SPTBN4: variants seen among roughly 807,000 people sequenced by gnomAD.
SPTBN4 encodes the protein spectrin beta, non-erythrocytic 4, also known as spectrin beta chain, non-erythrocytic 4.
A neutral mutation model predicts 277.8 loss-of-function variants in SPTBN4; 96 were observed. That is an observed-to-expected ratio of 0.35 (90% CI 0.29 to 0.41). The LOEUF (loss-of-function observed/expected upper bound fraction) is 0.41. Ranked by LOEUF, SPTBN4 falls within the 10% of genes least tolerant of loss-of-function variation. The probability of loss-of-function intolerance (pLI) is 1.00; values close to 1 mark genes in which losing one functional copy is unlikely to be tolerated. For synonymous variants in SPTBN4, 1,481 were observed against 1,580.3 expected (o/e 0.94, Z 1.49); for missense variants, 3,006 against 3,595.7 (o/e 0.84, Z 4.19).
intron 2 of SPTBN4, among the ~76,000 whole-genome samples, chr19:40,479,952 T>C (rs1423064197): frequency 1.3e-5 from 2 of 150,970 alleles, no homozygotes; most frequent in South Asian, 4.2e-4. Flanking sequence ...AAAAAAAAAT[T>C]AAAAATTAGC....
chr19:40,575,354 T>C (rs1425851481), intron 35 of SPTBN4, 57 bp from the exon 36 acceptor site: 2 of 1,562,302 alleles, frequency 1.3e-6, no homozygotes, highest in Admixed American at 1.8e-5. Context: ...GAAATTCACC[T>C]ATTATTCCAG....
chr19:40,537,712 T>C (rs1236904065), intron 20 of SPTBN4, among the ~76,000 whole-genome samples: 1 of 152,008 alleles, frequency 6.6e-6, no homozygotes, highest in Non-Finnish European at 1.5e-5. Context: ...GGCTATTCAA[T>C]ACCACCTTTA....
At chr19:40,506,138 G>C (rs1195362496) in intron 12 of SPTBN4, 98 bp from the exon 13 acceptor site, 1 of 1,458,426 alleles carries the variant, frequency 6.9e-7, no homozygotes, top group African/African-American at 1.4e-5. Flanking sequence ...AGTCGGGAGT[G>C]ATGGTGCAGA....
chr19:40,506,518 G>T (rs1248134598), intron 13 of SPTBN4, 132 bp downstream of exon 13: 1 of 1,335,720 alleles, frequency 7.5e-7, no homozygotes, highest in Non-Finnish European at 9.9e-7. Context: ...CAGAGCCTAA[G>T]ATTACATTCC....
In SPTBN4 at chr19:40,542,759, G is replaced by C. The variant is rs370079910; in HGVS notation, c.4360-6430G>C. Among the ~76,000 whole-genome samples, 37 of 151,686 alleles carry C rather than the reference G, an allele frequency of 2.4e-4. No individual in the cohort carries two copies. The South Asian group carries it at 7.3e-3, about 30-fold the overall frequency. On this transcript the variant is annotated intron_variant, in intron 20 of 35. Transcript: ENST00000598249. ...ATACAGTCCCAGTCCTTGCCTTATTGGGACTCAAGGCAAGGGACCCCATCC... is the reference window on the plus strand; with the variant it reads ...ATACAGTCCCAGTCCTTGCCTTATTCGGACTCAAGGCAAGGGACCCCATCC...
intron 20 of SPTBN4, among the ~76,000 whole-genome samples, chr19:40,547,803 T>C (rs1388388041): frequency 6.6e-6 from 1 of 152,232 alleles, no homozygotes; most frequent in African/African-American, 2.4e-5. Flanking sequence ...TTTTTTCATA[T>C]GTCTGTTGGC....
At chr19:40,494,851 C>T (rs776290597) in intron 5 of SPTBN4, 46 bp from the exon 6 acceptor site, 2 of 1,577,068 alleles carry the variant, frequency 1.3e-6, no homozygotes, top group Non-Finnish European at 1.7e-6. Context: ...TTCTTCCCTC[C>T]TAACTCTCCC....
At chr19:40,529,264 G>A (rs1266805892) in intron 18 of SPTBN4, 133 bp downstream of exon 18, 22 of 809,718 alleles carry the variant, frequency 2.7e-5, no homozygotes, top group South Asian at 1.8e-4. Flanking sequence ...AGCCGCCAGG[G>A]GGCGCGCGGA....
At chr19:40,571,778 G>C in intron 33 of SPTBN4, 2 of 412,696 alleles carry the variant, frequency 4.8e-6, no homozygotes, top group Non-Finnish European at 4.3e-6. Context: ...ATTCAGTATG[G>C]GAGGGGATAA....
intron 6 of SPTBN4, among the ~76,000 whole-genome samples, chr19:40,495,686 A>AAAAGG (rs2080189167): frequency 6.6e-6 from 1 of 152,014 alleles, no homozygotes; most frequent in African/African-American, 2.4e-5. Flanking sequence ...AAAAGAAAAG[A>AAAAGG]AAACACTTCC....
At chr19:40,526,507 G>A (rs1053299189) in intron 17 of SPTBN4, among the ~76,000 whole-genome samples, 1 of 151,956 alleles carries the variant, frequency 6.6e-6, no homozygotes, top group African/African-American at 2.4e-5. Context: ...TGCATGTGAG[G>A]CTCAGAGGGG....
intron 2 of SPTBN4, among the ~76,000 whole-genome samples, chr19:40,481,333 T>G (rs1416748380): frequency 6.6e-6 from 1 of 151,918 alleles, no homozygotes; most frequent in East Asian, 1.9e-4. Flanking sequence ...TTGGATTACA[T>G]GTGTGAGCCA....
intron 20 of SPTBN4, among the ~76,000 whole-genome samples, chr19:40,535,932 C>T (rs1020960801): frequency 6.6e-6 from 1 of 151,778 alleles, no homozygotes; most frequent in African/African-American, 2.4e-5. Flanking sequence ...TGCACTCCAG[C>T]CTGGGAGACA....
intron 2 of SPTBN4, among the ~76,000 whole-genome samples, chr19:40,480,812 C>T (rs1261189616): frequency 3.3e-5 from 5 of 152,114 alleles, no homozygotes; most frequent in Non-Finnish European, 7.4e-5. Context: ...CCTGTAATCC[C>T]AGCACTTTGG....
At chr19:40,543,341 A>AT (rs1238974485) in intron 20 of SPTBN4, among the ~76,000 whole-genome samples, 2 of 152,112 alleles carry the variant, frequency 1.3e-5, no homozygotes, top group Non-Finnish European at 2.9e-5. Flanking sequence ...TTACGTGCTC[A>AT]TATCTGACCC....
In SPTBN4 at chr19:40,529,106, A is replaced by C. The variant is rs759112736; in HGVS notation, c.3923A>C (p.Gln1308Pro). Residue 1308 changes from glutamine (Q) to proline (P), a missense_variant, in exon 18 of 36, where the codon CAG becomes CCG. Transcript: ENST00000598249. ...MQKLHDQLELQHFLRDCHELD... is the reference protein window; with the variant it reads ...MQKLHDQLELPHFLRDCHELD... ...AAGCTACATGACCAACTTGAGCTGC[A>C]GCACTTCCTCCGAGACTGCCACGAG... is the stretch of plus-strand genomic sequence containing the variant. 1 of 1,614,058 alleles carries C rather than the reference A, an allele frequency of 6.2e-7. No individual in the cohort carries two copies. Among genetic ancestry groups the C allele is most frequent in the Non-Finnish European group, 8.5e-7 (1 of 1,179,936 alleles).
chr19:40,498,787 C>T (rs1013629650), intron 7 of SPTBN4, among the ~76,000 whole-genome samples: 4 of 151,812 alleles, frequency 2.6e-5, no homozygotes, highest in Non-Finnish European at 5.9e-5. Flanking sequence ...CAGCAACCTC[C>T]ACCTCACAGG....
chr19:40,549,332 C>G lies in SPTBN4; in HGVS notation c.4503C>G (p.Leu1501=), dbSNP rs1014139354. 11 of 1,536,120 alleles carry G rather than the reference C, an allele frequency of 7.2e-6. No homozygotes were observed. The highest frequency in any genetic ancestry group is 4.0e-4 in the Middle Eastern group (2 of 4,980). Residue 1501 remains leucine, a synonymous_variant, in exon 21 of 36, where the codon CTC becomes CTG. Transcript: ENST00000598249. ...TGGGCGAGCGCCTGGTGCGCCTGCTCGAGCCGTTGCAGGAGCGCCGCCGCT... is the reference window on the plus strand; with the variant it reads ...TGGGCGAGCGCCTGGTGCGCCTGCTGGAGCCGTTGCAGGAGCGCCGCCGCT... ...NAVGERLVRL[L]EPLQERRRLL...
chr19:40,480,510 C>T (rs1490308863), intron 2 of SPTBN4, among the ~76,000 whole-genome samples: 2 of 152,176 alleles, frequency 1.3e-5, no homozygotes, highest in Non-Finnish European at 2.9e-5. Flanking sequence ...GGTGTACTCT[C>T]TTAACTTCTA....
Sources: allele counts gnomAD v4.1 joint callset (sites outside exome capture counted in the v4.1 genomes callset), GRCh38; gene constraint gnomAD v4.1.1; transcripts MANE v1.5; gene names NCBI Gene and HGNC (gene_info 2026-07-23, HGNC 2026-07-21).